DPP6: variants seen among roughly 807,000 people sequenced by gnomAD.
DPP6 encodes A-type potassium channel modulatory protein DPP6.
In DPP6, 69 loss-of-function variants were observed where a neutral mutation model predicts 122.6. That is an observed-to-expected ratio of 0.56 (90% confidence interval 0.46 to 0.69). The LOEUF (loss-of-function observed/expected upper bound fraction) is 0.69, where lower values mean the gene tolerates loss of function less well. Among genes scored for constraint, DPP6 ranks in the 30% least tolerant of loss-of-function variants. DPP6 has a pLI of 0.00. For missense variants in DPP6, 928 were observed against 1,116.9 expected, an observed-to-expected ratio of 0.83 and a Z score of 2.41; for synonymous variants, 418 against 433.1, an observed-to-expected ratio of 0.97 and a Z score of 0.43.
At position 154,628,219 on chromosome 7, in the gene DPP6, A is replaced by G. The variant is rs577621541; in HGVS notation, c.628-9602A>G. 4.6e-5 allele frequency among the ~76,000 whole-genome samples: 7 copies of G among 152,330 alleles called. No individual in the cohort carries two copies. The South Asian group carries it at 1.5e-3, about 32-fold the overall frequency. Reference sequence around the variant, plus strand: ...CCTTTTCAGTGTTGAAGTATTTCAGACTACCAAAAGACAGTTTCATGGTTC... The same window carrying G: ...CCTTTTCAGTGTTGAAGTATTTCAGGCTACCAAAAGACAGTTTCATGGTTC... On this transcript the variant is annotated intron_variant, in intron 5 of 25. Transcript: ENST00000377770.
At chr7:154,117,487 C>T (rs1301772426) in intron 1 of DPP6, among the ~76,000 whole-genome samples, 7 of 152,192 alleles carry the variant, frequency 4.6e-5, no homozygotes, top group African/African-American at 1.4e-4. Flanking sequence ...ATTCTTACCT[C>T]ACTGTAGGTT....
intron 1 of DPP6, among the ~76,000 whole-genome samples, chr7:154,003,773 T>C (rs1797786655): frequency 6.6e-6 from 1 of 152,108 alleles, no homozygotes; most frequent in African/African-American, 2.4e-5. Context: ...GCATCTCTCC[T>C]TCTCTGCCTC....
At position 154,337,173 on chromosome 7, in the gene DPP6, G is replaced by C. The variant is rs144089086; in HGVS notation, c.244-109041G>C. On this transcript the variant is annotated intron_variant, in intron 1 of 25. Coordinates refer to ENST00000377770, the MANE Select transcript of DPP6 (RefSeq NM_130797.4). ...CTAAACTAACTCCTGTTGGGAGGCA[G>C]ACTAGGGACAAGTGACTTTCAGTGA... 3.0e-3 allele frequency among the ~76,000 whole-genome samples: 464 copies of C among 152,326 alleles called. 5 individuals are homozygous for C. The highest frequency in any genetic ancestry group is 0.011 in the African/African-American group (445 of 41,582).
intron 16 of DPP6, among the ~76,000 whole-genome samples, chr7:154,841,295 C>T (rs1040613754): frequency 7.4e-6 from 1 of 134,768 alleles, no homozygotes; most frequent in Non-Finnish European, 1.6e-5. Flanking sequence ...TTTTGCCCAC[C>T]CCTCCAAGCA....
the DPP6 span, among the ~76,000 whole-genome samples, chr7:153,880,466 A>G: frequency 1.3e-5 from 2 of 152,200 alleles, no homozygotes; most frequent in Non-Finnish European, 2.9e-5. Context: ...TACTTCTTAC[A>G]CTTCCTTAAG....
chr7:154,396,346 A>G (rs772302982), intron 1 of DPP6, among the ~76,000 whole-genome samples: 5 of 151,934 alleles, frequency 3.3e-5, no homozygotes, highest in African/African-American at 4.8e-5. Context: ...ACTCTATTTA[A>G]CTCCTGTGCC....
chr7:153,817,238 G>C, the DPP6 span, among the ~76,000 whole-genome samples: 2 of 148,692 alleles, frequency 1.3e-5, no homozygotes, highest in African/African-American at 5.0e-5. Context: ...GGGCAAGAAA[G>C]AAGAGTTGGT....
intron 7 of DPP6, among the ~76,000 whole-genome samples, chr7:154,718,908 T>C (rs536951727): frequency 6.6e-6 from 1 of 151,884 alleles, no homozygotes; most frequent in African/African-American, 2.4e-5. Flanking sequence ...CCAAAGTGAG[T>C]CTTCCTCTTC....
chr7:154,425,374 C>T (rs996103605), intron 1 of DPP6, among the ~76,000 whole-genome samples: 21 of 152,152 alleles, frequency 1.4e-4, no homozygotes, highest in Non-Finnish European at 2.6e-4. Flanking sequence ...GGTTTAGTGT[C>T]TTCTCTTTGT....
intron 1 of DPP6, among the ~76,000 whole-genome samples, chr7:154,429,328 A>G (rs1818170450): frequency 6.6e-6 from 1 of 152,180 alleles, no homozygotes; most frequent in South Asian, 2.1e-4. Flanking sequence ...ACCTAGCTTC[A>G]CAGATGGGTG....
intron 19 of DPP6, among the ~76,000 whole-genome samples, chr7:154,874,937 G>A (rs550406285): frequency 5.3e-5 from 8 of 152,124 alleles, no homozygotes; most frequent in Non-Finnish European, 1.0e-4. Context: ...CAGATTAACA[G>A]ATTTTTCTTT....
chr7:154,042,960 G>A (rs1366696727), intron 1 of DPP6, among the ~76,000 whole-genome samples: 2 of 152,284 alleles, frequency 1.3e-5, no homozygotes, highest in South Asian at 4.1e-4. Flanking sequence ...AAACATCATG[G>A]AGACTGTTTT....
At chr7:153,891,244 G>A (rs1034071597) in intron 1 of DPP6, among the ~76,000 whole-genome samples, 6 of 148,380 alleles carry the variant, frequency 4.0e-5, no homozygotes, top group Admixed American at 3.4e-4. Context: ...GGATGGTCTC[G>A]ATCTCTTGAC....
intron 1 of DPP6, among the ~76,000 whole-genome samples, chr7:154,340,106 T>C (rs926410294): frequency 5.9e-5 from 9 of 152,098 alleles, no homozygotes; most frequent in African/African-American, 2.2e-4. Context: ...GGTTGACCAT[T>C]AGAAACACAA....
At chr7:154,718,551 A>ACC (rs200171200) in intron 7 of DPP6, among the ~76,000 whole-genome samples, 1 of 129,404 alleles carries the variant, frequency 7.7e-6, no homozygotes, top group African/African-American at 3.0e-5. Flanking sequence ...CTACTCCCAC[A>ACC]CCCCCCCCAA....
intron 1 of DPP6, among the ~76,000 whole-genome samples, chr7:154,103,988 A>T (rs1032092325): frequency 1.4e-4 from 21 of 152,162 alleles, no homozygotes; most frequent in Non-Finnish European, 1.9e-4. Flanking sequence ...CAGATGGCCT[A>T]TGGTGGGACT....
chr7:154,868,260 A>G (rs1352676717), intron 18 of DPP6, among the ~76,000 whole-genome samples, 167 bp downstream of exon 18: 2 of 152,178 alleles, frequency 1.3e-5, no homozygotes, highest in East Asian at 1.9e-4. Flanking sequence ...GTTCAGAACC[A>G]AGATGCTCAC....
At chr7:154,679,794 C>A (rs1012047509) in intron 7 of DPP6, among the ~76,000 whole-genome samples, 6 of 152,064 alleles carry the variant, frequency 3.9e-5, no homozygotes, top group African/African-American at 1.4e-4. Flanking sequence ...TGACAGTAGC[C>A]AAGAAATTAA....
chr7:154,155,565 G>C lies in DPP6; in HGVS notation c.243+102502G>C, dbSNP rs1796636227. 2.6e-5 allele frequency among the ~76,000 whole-genome samples: 4 copies of C among 152,194 alleles called. No individual in the cohort carries two copies. In the South Asian group the frequency reaches 8.3e-4, roughly 32 times the overall value. On this transcript the variant is annotated intron_variant, in intron 1 of 25. Coordinates refer to ENST00000377770, the MANE Select transcript of DPP6 (RefSeq NM_130797.4). ...AGAGATAGAAGCCATAAGCACTTGA[G>C]TTACAGAACTGCTGAGAAATTGGTC...
Sources: allele counts gnomAD v4.1 joint callset (sites outside exome capture counted in the v4.1 genomes callset), GRCh38; gene constraint gnomAD v4.1.1; transcripts MANE v1.5; gene names NCBI Gene and HGNC (gene_info 2026-07-23, HGNC 2026-07-21).